Variants in RBFOX3 observed in about 807,000 individuals in gnomAD.
RBFOX3 encodes RNA binding protein fox-1 homolog 3.
In RBFOX3, 17 loss-of-function variants were observed where a neutral mutation model predicts 48.7. That is an observed-to-expected ratio of 0.35 (90% CI 0.24 to 0.52). RBFOX3 has a LOEUF of 0.52. Ranked by LOEUF, RBFOX3 falls within the 20% of genes least tolerant of loss-of-function variation. The pLI is 0.94. For synonymous variants in RBFOX3, 212 were observed against 209.5 expected (o/e 1.01, Z -0.10); for missense variants, 382 against 497.5 (o/e 0.77, Z 2.21).
intron 2 of RBFOX3, among the ~76,000 whole-genome samples, chr17:79,429,727 G>A (rs144321864): frequency 7.2e-4 from 109 of 152,254 alleles, no homozygotes; most frequent in African/African-American, 2.6e-3. Flanking sequence ...CGAGGCCATG[G>A]GAATCAATGA....
intron 9 of RBFOX3, chr17:79,099,943 G>A (rs2076107768): frequency 6.6e-6 from 1 of 152,258 alleles, no homozygotes; most frequent in Non-Finnish European, 1.5e-5. Flanking sequence ...CAGAGCCCAT[G>A]GGTTGGCTTC....
intron 1 of RBFOX3, among the ~76,000 whole-genome samples, chr17:79,533,259 G>A (rs889191668): frequency 6.6e-6 from 1 of 152,208 alleles, no homozygotes; most frequent in African/African-American, 2.4e-5. Context: ...GACAAGCTGC[G>A]CTCTTTGTCC....
At chr17:79,126,418 T>C (rs968861042) in intron 4 of RBFOX3, among the ~76,000 whole-genome samples, 4 of 152,154 alleles carry the variant, frequency 2.6e-5, no homozygotes, top group Non-Finnish European at 5.9e-5. Context: ...CCCGAGATCC[T>C]GGAGGAATCT....
chr17:79,492,791 G>T (rs868920974), intron 1 of RBFOX3, among the ~76,000 whole-genome samples: 1 of 152,234 alleles, frequency 6.6e-6, no homozygotes, highest in Non-Finnish European at 1.5e-5. Context: ...GGAGAAGAAC[G>T]CGAAGTGAGA....
At chr17:79,536,848 G>A (rs1216794930) in intron 1 of RBFOX3, among the ~76,000 whole-genome samples, 1 of 152,220 alleles carries the variant, frequency 6.6e-6, no homozygotes, top group East Asian at 1.9e-4. Flanking sequence ...CGCTTTGGGA[G>A]GCCGAGGCGG....
chr17:79,375,754 G>C (rs1019065128), intron 2 of RBFOX3, among the ~76,000 whole-genome samples: 11 of 152,192 alleles, frequency 7.2e-5, no homozygotes, highest in Non-Finnish European at 1.6e-4. Context: ...TCCTTTGAAA[G>C]GGGCCGCTGA....
At chr17:79,592,105 G>T (rs2093436481) in intron 1 of RBFOX3, among the ~76,000 whole-genome samples, 1 of 151,656 alleles carries the variant, frequency 6.6e-6, no homozygotes, top group Admixed American at 6.6e-5. Flanking sequence ...GCATGTGTGT[G>T]TGTGTAGTGT....
At chr17:79,404,665 G>A (rs895242325) in intron 2 of RBFOX3, among the ~76,000 whole-genome samples, 3 of 151,890 alleles carry the variant, frequency 2.0e-5, no homozygotes, top group Non-Finnish European at 4.4e-5. Flanking sequence ...CCACCCCTGT[G>A]GGTCCCTCAA....
the RBFOX3 span, among the ~76,000 whole-genome samples, chr17:79,643,378 T>C: frequency 0.95 from 144,457 of 152,282 alleles, 68,856 homozygotes; most frequent in Non-Finnish European, 1. Flanking sequence ...AACACCCCTC[T>C]CTTGACAACT....
intron 1 of RBFOX3, among the ~76,000 whole-genome samples, chr17:79,605,996 C>A (rs2093820568): frequency 6.6e-6 from 1 of 152,244 alleles, no homozygotes. Context: ...AGCACCCCAT[C>A]CCTTGTTCTT....
At chr17:79,106,565 G>A in intron 6 of RBFOX3, 86 bp downstream of exon 6, 1 of 1,376,040 alleles carries the variant, frequency 7.3e-7, no homozygotes, top group Admixed American at 3.8e-5. Flanking sequence ...GGGAACAGGT[G>A]TCGGCAGGAA....
intron 4 of RBFOX3, among the ~76,000 whole-genome samples, chr17:79,154,522 G>C (rs370532842): frequency 2.3e-4 from 35 of 152,244 alleles, no homozygotes; most frequent in African/African-American, 8.0e-4. Context: ...AGGAAGTCGG[G>C]CGCCTGTGCT....
intron 9 of RBFOX3, 80 bp downstream of exon 9, chr17:79,101,504 C>A: frequency 7.7e-7 from 1 of 1,293,490 alleles, no homozygotes; most frequent in Non-Finnish European, 1.1e-6. Context: ...GAAGGTCAGC[C>A]TGCAGCAGCC....
chr17:79,562,029 G>C (rs1481686018), intron 1 of RBFOX3, among the ~76,000 whole-genome samples: 1 of 152,228 alleles, frequency 6.6e-6, no homozygotes, highest in African/African-American at 2.4e-5. Flanking sequence ...CAAGCTGGCA[G>C]CCACTCAGCA....
chr17:79,586,432 A>G (rs915235689), intron 1 of RBFOX3, among the ~76,000 whole-genome samples: 1 of 152,340 alleles, frequency 6.6e-6, no homozygotes, highest in East Asian at 1.9e-4. Context: ...AAGGGCCCAG[A>G]TGACCCCTGG....
intron 1 of RBFOX3, among the ~76,000 whole-genome samples, chr17:79,592,915 C>G (rs1280787429): frequency 6.6e-6 from 1 of 152,208 alleles, no homozygotes; most frequent in Admixed American, 6.5e-5. Flanking sequence ...CTGGCACACC[C>G]ACTACCCCAC....
chr17:79,473,220 C>A lies in RBFOX3; in HGVS notation c.-175+9234G>T, dbSNP rs1359270197. ...TGCAGGGATCAGGAGCAGCACCTCA[C>A]GGGCTGGCACCCATCCACAGACCTC... On this transcript the variant is annotated intron_variant, in intron 2 of 14. Coordinates refer to ENST00000693108, the MANE Select transcript of RBFOX3 (RefSeq NM_001350451.2). The surrounding 1 kb of genome is among the most constrained non-coding windows in gnomAD (Gnocchi z 4.2). Among the ~76,000 whole-genome samples the A allele has an allele frequency of 6.6e-6, 1 of 152,224 alleles. No homozygotes were observed. Among genetic ancestry groups the A allele is most frequent in the African/African-American group, 2.4e-5 (1 of 41,456 alleles).
intron 4 of RBFOX3, among the ~76,000 whole-genome samples, chr17:79,166,175 G>A (rs1222316466): frequency 2.0e-5 from 3 of 152,006 alleles, no homozygotes; most frequent in African/African-American, 7.3e-5. Context: ...AGGTAAGGGC[G>A]AACCTTGGCC....
chr17:79,316,970 TCA>T (rs923462435), intron 2 of RBFOX3, among the ~76,000 whole-genome samples: 28 of 152,116 alleles, frequency 1.8e-4, no homozygotes, highest in Non-Finnish European at 8.8e-5. Flanking sequence ...ATATGCACAC[TCA>T]CCCGCAAATG....
Sources: allele counts gnomAD v4.1 joint callset (sites outside exome capture counted in the v4.1 genomes callset), GRCh38; gene constraint gnomAD v4.1.1; non-coding constraint Gnocchi (gnomAD v3.1); transcripts MANE v1.5; gene names NCBI Gene and HGNC (gene_info 2026-07-23, HGNC 2026-07-21).